Variants in TCP11L2 observed in about 807,000 individuals in gnomAD.
TCP11L2 encodes T-complex protein 11-like protein 2.
Under a neutral mutation model 50.7 loss-of-function variants are expected in TCP11L2, and 39 were observed. The observed-to-expected ratio is 0.77, with a 90% CI of 0.60 to 1.01. The LOEUF is 1.01. TCP11L2 is among the 50% of genes least tolerant of loss of function. The pLI is 0.00. For missense variants in TCP11L2, 612 were observed against 614.7 expected (o/e 1.00, Z 0.05); for synonymous variants, 192 against 219.3 (o/e 0.88, Z 1.10).
intron 9 of TCP11L2, among the ~76,000 whole-genome samples, chr12:106,344,953 T>G (rs1222390539): frequency 1.3e-5 from 2 of 152,196 alleles, no homozygotes; most frequent in African/African-American, 2.4e-5. Flanking sequence ...CCTTCCTCAG[T>G]GTCTCCTGAT....
intron 9 of TCP11L2, 47 bp from the exon 10 acceptor site, chr12:106,346,239 T>C: frequency 3.2e-6 from 5 of 1,539,634 alleles, no homozygotes; most frequent in Non-Finnish European, 4.4e-6. Flanking sequence ...TTAAAAATTA[T>C]GTACTTTAAT....
intron 4 of TCP11L2, among the ~76,000 whole-genome samples, chr12:106,319,378 T>A (rs537188938): frequency 9.2e-5 from 14 of 152,230 alleles, no homozygotes; most frequent in Non-Finnish European, 2.1e-4. Context: ...TAGCAGTTTT[T>A]TCCCCCCAAA....
intron 1 of TCP11L2, among the ~76,000 whole-genome samples, chr12:106,310,596 GT>G (rs2034815729): frequency 6.6e-6 from 1 of 152,196 alleles, no homozygotes; most frequent in South Asian, 2.1e-4. Context: ...CCAATGAGAG[GT>G]TAGTCTTTCA....
At chr12:106,329,449 GT>G in intron 6 of TCP11L2, 2 of 1,533,864 alleles carry the variant, frequency 1.3e-6, no homozygotes, top group Non-Finnish European at 1.7e-6. Context: ...AAGAGCCAAC[GT>G]TTCACTCTAA....
At chr12:106,343,892 C>T (rs912246413) in intron 9 of TCP11L2, among the ~76,000 whole-genome samples, 12 of 151,728 alleles carry the variant, frequency 7.9e-5, no homozygotes, top group Admixed American at 5.2e-4. Flanking sequence ...CTCCTGACCT[C>T]GTGATCCGCC....
intron 1 of TCP11L2, among the ~76,000 whole-genome samples, chr12:106,304,643 C>T (rs1239561999): frequency 2.0e-5 from 3 of 152,180 alleles, no homozygotes; most frequent in South Asian, 2.1e-4. Context: ...CAGCTGACCT[C>T]GATCTAGTGT....
At chr12:106,345,787 T>G (rs1158448815) in intron 9 of TCP11L2, among the ~76,000 whole-genome samples, 4 of 152,184 alleles carry the variant, frequency 2.6e-5, no homozygotes, top group Non-Finnish European at 5.9e-5. Context: ...CTGAACTCAC[T>G]AATGTATTTG....
Position 106,311,054 on chromosome 12 carries a change from A to G in TCP11L2, c.-22A>G. 1 of 1,612,642 alleles carries G rather than the reference A, an allele frequency of 6.2e-7. No homozygotes were observed. The highest frequency in any genetic ancestry group is 1.1e-5 in the South Asian group (1 of 90,912). On this transcript the variant is annotated 5_prime_UTR_variant, in exon 2 of 10. Transcript: ENST00000299045. ...TTGTCTGTGCAGGTGCTACCTTTTT[A>G]CCCACACTTAAGTGACGCAAAATGC...
chr12:106,319,472 G>A (rs1383994537), intron 4 of TCP11L2, among the ~76,000 whole-genome samples: 1 of 152,182 alleles, frequency 6.6e-6, no homozygotes, highest in Non-Finnish European at 1.5e-5. Flanking sequence ...TGCACCTCCT[G>A]GAGTAGCGTG....
chr12:106,312,256 CATTTTTTTTT>C, intron 2 of TCP11L2: 9 of 313,222 alleles, frequency 2.9e-5, no homozygotes, highest in Non-Finnish European at 4.0e-5. Context: ...ATTTAGTTTC[CATTTTTTTTT>C]TTTTTTTTTT....
At chr12:106,333,251 G>A (rs1376688335) in intron 6 of TCP11L2, among the ~76,000 whole-genome samples, 1 of 152,140 alleles carries the variant, frequency 6.6e-6, no homozygotes, top group East Asian at 1.9e-4. Flanking sequence ...GTAACTGTCT[G>A]TACTATTTTC....
chr12:106,318,896 AT>A (rs1181792658), intron 4 of TCP11L2, among the ~76,000 whole-genome samples: 527 of 85,480 alleles, frequency 6.2e-3, no homozygotes, highest in Middle Eastern at 0.03. Flanking sequence ...ATTTTATTTT[AT>A]TTTTTTTTTT....
intron 9 of TCP11L2, among the ~76,000 whole-genome samples, chr12:106,344,790 T>A (rs1019490205): frequency 4.6e-5 from 7 of 152,188 alleles, no homozygotes; most frequent in Admixed American, 3.3e-4. Flanking sequence ...GTCTTTTCTG[T>A]CCAGTATTAT....
At position 106,318,698 on chromosome 12, in the gene TCP11L2, G is replaced by C. The variant is rs578131961; in HGVS notation, c.414+234G>C. Reference sequence around the variant, plus strand: ...TTCACGTGGCAGAAAAGGCAGAGAAGCTCTTTAGGGTCTTTTTGTTGTTTT... The same window carrying C: ...TTCACGTGGCAGAAAAGGCAGAGAACCTCTTTAGGGTCTTTTTGTTGTTTT... On this transcript the variant is annotated intron_variant, in intron 4 of 9. Transcript: ENST00000299045. 2.6e-5 allele frequency among the ~76,000 whole-genome samples: 4 copies of C among 152,210 alleles called. No individual in the cohort carries two copies. The South Asian group carries it at 8.3e-4, about 32-fold the overall frequency.
At chr12:106,303,789 A>C (rs773846833) in intron 1 of TCP11L2, 15 of 152,220 alleles carry the variant, frequency 9.9e-5, no homozygotes, top group Non-Finnish European at 1.9e-4. Flanking sequence ...AAATGCAAAA[A>C]TCTAGTCAAG....
In TCP11L2 at chr12:106,314,423, T is replaced by G. The variant is rs1036013213; in HGVS notation, c.223T>G (p.Leu75Val). The G allele has an allele frequency of 6.2e-7, 1 of 1,613,870 alleles. No homozygotes were observed. The highest frequency in any genetic ancestry group is 8.5e-7 in the Non-Finnish European group (1 of 1,179,824). ...GGCTACAGCAAGGAACTTATCAAAC[T>G]TGACTCTTGCTCATGAGATTGCTGT... The part of the protein sequence containing the change: ...VMATARNLSN[L>V]TLAHEIAVNE... The change falls in exon 3 of 10, where the codon TTG (leucine) becomes GTG (valine). Residue 75 changes from leucine (L) to valine (V), a missense_variant. Physicochemically the swap from Leu to Val is conservative, Grantham distance 32. Transcript: ENST00000299045.
chr12:106,304,424 G>T (rs904770903), intron 1 of TCP11L2: 1 of 152,320 alleles, frequency 6.6e-6, no homozygotes, highest in African/African-American at 2.4e-5. Context: ...TTGTCTAGAT[G>T]AATGGTATGG....
rs745652706 is a variant in TCP11L2 at position 106,346,494 on chromosome 12, C to A, written c.1524C>A (p.Ala508=). The part of the protein sequence containing the change: ...ILRKLLFNEE[A]MGKVDASPPT... Reference sequence around the variant, plus strand: ...GAAAGCTGCTCTTCAATGAGGAAGCCATGGGGAAGGTAGATGCTTCACCTC... The same window carrying A: ...GAAAGCTGCTCTTCAATGAGGAAGCAATGGGGAAGGTAGATGCTTCACCTC... The change falls in exon 10 of 10, where the codon GCC becomes GCA. Residue 508 remains alanine, a synonymous_variant. Transcript: ENST00000299045. 6.2e-7 allele frequency: 1 copy of A among 1,613,988 alleles called. No homozygotes were observed. The highest frequency in any genetic ancestry group is 8.5e-7 in the Non-Finnish European group (1 of 1,179,972).
intron 1 of TCP11L2, among the ~76,000 whole-genome samples, chr12:106,310,027 G>A (rs896561917): frequency 6.6e-6 from 1 of 152,074 alleles, no homozygotes; most frequent in African/African-American, 2.4e-5. Flanking sequence ...TTCCCCTTCA[G>A]TGTCAGGTGA....
Sources: gnomAD v4.1 joint callset for allele counts (sites outside exome capture counted in the v4.1 genomes callset) on GRCh38, gnomAD v4.1.1 for gene constraint, MANE v1.5 for transcripts, NCBI Gene and HGNC (gene_info 2026-07-23, HGNC 2026-07-21) for gene names.